The following POLN variants were observed in gnomAD, a reference collection of about 807,000 sequenced individuals.
POLN encodes the protein DNA polymerase nu, also known as DNA polymerase N.
In POLN, 108 loss-of-function variants were observed where a neutral mutation model predicts 113.5. That is an observed-to-expected ratio of 0.95 (90% CI 0.81 to 1.12). The LOEUF is 1.12. POLN is among the 50% of genes most tolerant of loss of function. POLN has a pLI of 0.00. For missense variants in POLN, 1,097 were observed against 1,077.1 expected (o/e 1.02, Z -0.26); for synonymous variants, 386 against 391.5 (o/e 0.99, Z 0.17).
At chr4:2,214,568 A>C (rs1182972038) in intron 3 of POLN, among the ~76,000 whole-genome samples, 1 of 152,204 alleles carries the variant, frequency 6.6e-6, no homozygotes, top group East Asian at 1.9e-4. Flanking sequence ...GAAAACCCAA[A>C]GAGGAAACAA....
chr4:2,115,006 G>C (rs921560867), intron 19 of POLN, among the ~76,000 whole-genome samples: 2 of 151,150 alleles, frequency 1.3e-5, no homozygotes, highest in Admixed American at 6.6e-5. Context: ...CTTTCCTATG[G>C]TGAAATCTTA....
At chr4:2,170,209 G>A (rs972590359) in intron 13 of POLN, among the ~76,000 whole-genome samples, 5 of 152,114 alleles carry the variant, frequency 3.3e-5, no homozygotes, top group Non-Finnish European at 7.3e-5. Context: ...AGCACTCACT[G>A]TCTTCTGAAT....
rs1055524540 is a variant in POLN, at chr4:2,184,119, G to C, written c.1022-4654C>G. Among the ~76,000 whole-genome samples, 6 of 149,978 alleles carry C rather than the reference G, an allele frequency of 4.0e-5. No individual in the cohort carries two copies. In the East Asian group the frequency reaches 1.2e-3, roughly 29 times the overall value. On this transcript the variant is annotated intron_variant, in intron 7 of 25. Transcript: ENST00000511885. ...TCCACTCGTCTCCGCCTCCCAAAGTGCTGGGATTACAGACGTGAGCCACCG... is the reference window on the plus strand; with the variant it reads ...TCCACTCGTCTCCGCCTCCCAAAGTCCTGGGATTACAGACGTGAGCCACCG...
At chr4:2,144,020 C>T (rs1428876698) in intron 16 of POLN, among the ~76,000 whole-genome samples, 2 of 151,666 alleles carry the variant, frequency 1.3e-5, no homozygotes, top group African/African-American at 4.8e-5. Context: ...AATATATTGT[C>T]TTCAAAATAT....
At chr4:2,094,292 T>C (rs1730731378) in intron 20 of POLN, among the ~76,000 whole-genome samples, 1 of 146,750 alleles carries the variant, frequency 6.8e-6, no homozygotes, top group African/African-American at 2.6e-5. Context: ...GAGCCAATTT[T>C]GTGCTCAATG....
At chr4:2,240,698 C>T (rs1412661744) in intron 2 of POLN, 3 of 1,614,006 alleles carry the variant, frequency 1.9e-6, no homozygotes, top group South Asian at 1.1e-5. Context: ...AAGTTTTACA[C>T]GTTTTAAGAG....
intron 13 of POLN, among the ~76,000 whole-genome samples, chr4:2,163,831 G>T (rs1278502271): frequency 2.0e-5 from 3 of 152,208 alleles, no homozygotes; most frequent in Non-Finnish European, 4.4e-5. Context: ...TTCCCAGCAT[G>T]GGACTTGTCT....
At chr4:2,094,371 A>AAAAAAAAAAAAAAT in intron 20 of POLN, among the ~76,000 whole-genome samples, 1 of 149,632 alleles carries the variant, frequency 6.7e-6, no homozygotes, top group African/African-American at 2.4e-5. Context: ...TCCAAAAAAA[A>AAAAAAAAAAAAAAT]AAAAGAAAGA....
intron 16 of POLN, among the ~76,000 whole-genome samples, chr4:2,140,661 T>C (rs1027429090): frequency 6.6e-6 from 1 of 151,858 alleles, no homozygotes; most frequent in Non-Finnish European, 1.5e-5. Context: ...GGCATGAGCA[T>C]TGCTTGAATC....
At chr4:2,218,279 A>C (rs1380105377) in intron 3 of POLN, among the ~76,000 whole-genome samples, 1 of 131,098 alleles carries the variant, frequency 7.6e-6, no homozygotes, top group Non-Finnish European at 1.8e-5. Context: ...TAAAAATACA[A>C]AAAAAAAAAA....
At chr4:2,207,838 G>T in intron 5 of POLN, 149 bp downstream of exon 5, 1 of 838,194 alleles carries the variant, frequency 1.2e-6, no homozygotes, top group Non-Finnish European at 1.8e-6. Context: ...AGAAACTGAT[G>T]GGAGCATACA....
chr4:2,121,352 T>C (rs904271801), intron 19 of POLN, among the ~76,000 whole-genome samples: 2 of 151,702 alleles, frequency 1.3e-5, no homozygotes, highest in African/African-American at 4.8e-5. Context: ...GGAGAATCTC[T>C]TGAACCTGGG....
intron 19 of POLN, among the ~76,000 whole-genome samples, chr4:2,119,255 C>T (rs1022243982): frequency 2.6e-5 from 4 of 152,222 alleles, no homozygotes; most frequent in East Asian, 1.9e-4. Context: ...GTTGAATGCA[C>T]AGCTGATAAG....
chr4:2,232,355 TGATA>T (rs1734614848), intron 2 of POLN, among the ~76,000 whole-genome samples: 1 of 152,186 alleles, frequency 6.6e-6, no homozygotes, highest in African/African-American at 2.4e-5. Flanking sequence ...CAACAACTTC[TGATA>T]GATAATTTTA....
intron 24 of POLN, among the ~76,000 whole-genome samples, chr4:2,074,909 C>T (rs560867156): frequency 6.6e-6 from 1 of 152,242 alleles, no homozygotes; most frequent in East Asian, 1.9e-4. Flanking sequence ...TTGGGCTGAC[C>T]GCTGGGGTGA....
At chr4:2,099,372 C>T (rs2108703454) in intron 19 of POLN, among the ~76,000 whole-genome samples, 1 of 152,282 alleles carries the variant, frequency 6.6e-6, no homozygotes, top group South Asian at 2.1e-4. Flanking sequence ...AGTGCAAGTC[C>T]CTGATTCAGT....
intron 3 of POLN, among the ~76,000 whole-genome samples, chr4:2,216,279 T>C (rs965825214): frequency 6.6e-6 from 1 of 152,202 alleles, no homozygotes; most frequent in Admixed American, 6.5e-5. Flanking sequence ...GTCAAGACCT[T>C]TAAACCTTAA....
At chr4:2,207,885 T>G in intron 5 of POLN, 102 bp downstream of exon 5, 1 of 1,364,444 alleles carries the variant, frequency 7.3e-7, no homozygotes, top group Non-Finnish European at 9.9e-7. Flanking sequence ...AAGGAAAGCC[T>G]TAAAATCTTG....
At chr4:2,167,349 C>A (rs1193264340) in intron 13 of POLN, among the ~76,000 whole-genome samples, 1 of 152,142 alleles carries the variant, frequency 6.6e-6, no homozygotes, top group East Asian at 1.9e-4. Flanking sequence ...AGAAAAAAAA[C>A]ACCAAAGCTT....
Sources: allele counts gnomAD v4.1 joint callset (sites outside exome capture counted in the v4.1 genomes callset), GRCh38; gene constraint gnomAD v4.1.1; transcripts MANE v1.5; gene names NCBI Gene and HGNC (gene_info 2026-07-23, HGNC 2026-07-21).